The following LARGE1 variants were observed in gnomAD, a reference collection of about 807,000 sequenced individuals.
LARGE1 encodes the protein xylosyl- and glucuronyltransferase LARGE1.
Under a neutral mutation model 87.6 loss-of-function variants are expected in LARGE1, and 43 were observed. The ratio of observed to expected loss-of-function variants is 0.49; its 90% CI spans 0.38 to 0.63. The LOEUF (loss-of-function observed/expected upper bound fraction) is 0.63, where lower values mean the gene tolerates loss of function less well. Among genes scored for constraint, LARGE1 ranks in the 30% least tolerant of loss-of-function variants. The probability of loss-of-function intolerance (pLI) is 0.00; values close to 1 mark genes in which losing one functional copy is unlikely to be tolerated. For missense variants in LARGE1, 802 were observed against 1,000.2 expected (o/e 0.80, Z 2.67); for synonymous variants, 434 against 394.6 (o/e 1.10, Z -1.18).
At chr22:33,316,605 G>A (rs1936189313) in intron 10 of LARGE1, among the ~76,000 whole-genome samples, 1 of 152,070 alleles carries the variant, frequency 6.6e-6, no homozygotes, top group South Asian at 2.1e-4. Context: ...GCCGGACATG[G>A]AGGTGTGTGG....
chr22:33,211,697 CCA>C (rs1009621198), intron 11 of LARGE1, among the ~76,000 whole-genome samples: 15 of 152,232 alleles, frequency 9.9e-5, no homozygotes, highest in Non-Finnish European at 1.9e-4. Context: ...TGCTTGAACC[CCA>C]GAGACGGCGG....
intron 6 of LARGE1, among the ~76,000 whole-genome samples, chr22:33,520,400 A>T (rs1360588861): frequency 6.6e-6 from 1 of 152,124 alleles, no homozygotes; most frequent in Non-Finnish European, 1.5e-5. Context: ...ACCATCCTGT[A>T]CCTGAGATTC....
At chr22:33,431,276 A>G (rs2067070632) in intron 7 of LARGE1, among the ~76,000 whole-genome samples, 1 of 152,212 alleles carries the variant, frequency 6.6e-6, no homozygotes, top group African/African-American at 2.4e-5. Context: ...TGCAGCTAGC[A>G]TAGGGCCTCG....
intron 6 of LARGE1, among the ~76,000 whole-genome samples, chr22:33,522,350 C>G (rs1476924857): frequency 6.6e-6 from 1 of 152,184 alleles, no homozygotes; most frequent in Non-Finnish European, 1.5e-5. Flanking sequence ...TGCACTCCCA[C>G]CAGCATCACC....
At chr22:33,092,177 C>T in the LARGE1 span, among the ~76,000 whole-genome samples, 1 of 152,152 alleles carries the variant, frequency 6.6e-6, no homozygotes, top group South Asian at 2.1e-4. Flanking sequence ...GGATTACAGG[C>T]GTGAGCCACC....
chr22:33,490,326 G>A (rs1194283498), intron 6 of LARGE1, among the ~76,000 whole-genome samples: 2 of 152,114 alleles, frequency 1.3e-5, no homozygotes, highest in African/African-American at 4.8e-5. Context: ...GAATAAAGAG[G>A]AATCCCTGTC....
At chr22:33,561,587 T>C (rs2148763590) in intron 6 of LARGE1, among the ~76,000 whole-genome samples, 1 of 152,316 alleles carries the variant, frequency 6.6e-6, no homozygotes, top group Non-Finnish European at 1.5e-5. Flanking sequence ...AACAGTCTTA[T>C]TCTTGCAACA....
intron 3 of LARGE1, among the ~76,000 whole-genome samples, chr22:33,635,975 C>A (rs2080255063): frequency 6.6e-6 from 1 of 152,130 alleles, no homozygotes; most frequent in African/African-American, 2.4e-5. Flanking sequence ...ACATGGGTTC[C>A]AGGGCCTGCT....
intron 13 of LARGE1, among the ~76,000 whole-genome samples, chr22:33,281,405 T>A (rs1316226578): frequency 1.3e-5 from 2 of 151,730 alleles, no homozygotes; most frequent in Non-Finnish European, 2.9e-5. Context: ...AAAAAAAAAA[T>A]TCAGGACTCA....
chr22:33,781,626 G>A (rs1412471349), intron 1 of LARGE1, among the ~76,000 whole-genome samples: 1 of 152,172 alleles, frequency 6.6e-6, no homozygotes, highest in East Asian at 1.9e-4. Context: ...ACAATTCACT[G>A]AACAAGTTCC....
chr22:33,554,184 C>T (rs1399998477), intron 6 of LARGE1, among the ~76,000 whole-genome samples: 1 of 152,114 alleles, frequency 6.6e-6, no homozygotes, highest in African/African-American at 2.4e-5. Context: ...TCGCAAATCA[C>T]AGCTTGCCAA....
At chr22:33,175,894 C>T (rs1014276032) in intron 11 of LARGE1, among the ~76,000 whole-genome samples, 1 of 152,188 alleles carries the variant, frequency 6.6e-6, no homozygotes, top group African/African-American at 2.4e-5. Context: ...CACTACCTGA[C>T]TTCAAACTAT....
chr22:33,387,368 G>A (rs1172709885), intron 7 of LARGE1, among the ~76,000 whole-genome samples: 7 of 149,294 alleles, frequency 4.7e-5, no homozygotes, highest in African/African-American at 1.0e-4. Flanking sequence ...CGGAGGATGC[G>A]GTGAGCTGAG....
At chr22:33,373,972 CAA>C (rs35830988) in intron 9 of LARGE1, among the ~76,000 whole-genome samples, 38 of 59,528 alleles carry the variant, frequency 6.4e-4, no homozygotes, top group Non-Finnish European at 8.4e-4. Context: ...GACTCCGTCT[CAA>C]AAAAAAAAAA....
intron 7 of LARGE1, among the ~76,000 whole-genome samples, chr22:33,414,160 A>G (rs2066407033): frequency 6.6e-6 from 1 of 152,082 alleles, no homozygotes; most frequent in Non-Finnish European, 1.5e-5. Context: ...TACATTCCCA[A>G]AAACAGTGTT....
chr22:33,227,192 C>G (rs886342398), intron 11 of LARGE1, among the ~76,000 whole-genome samples: 55 of 152,226 alleles, frequency 3.6e-4, no homozygotes, highest in African/African-American at 1.3e-3. Flanking sequence ...GACAAAGACA[C>G]TGAGGTACAG....
At chr22:33,411,498 G>A (rs543927110) in intron 7 of LARGE1, among the ~76,000 whole-genome samples, 25 of 152,212 alleles carry the variant, frequency 1.6e-4, no homozygotes, top group African/African-American at 5.5e-4. Context: ...ACATAAACAT[G>A]CACACATCTG....
At chr22:33,146,989 A>G in the LARGE1 span, among the ~76,000 whole-genome samples, 1 of 152,182 alleles carries the variant, frequency 6.6e-6, no homozygotes, top group Non-Finnish European at 1.5e-5. Flanking sequence ...CAATAATATC[A>G]TGAAATATAA....
chr22:33,680,035 G>A (rs1268191075), intron 2 of LARGE1, among the ~76,000 whole-genome samples: 1 of 152,152 alleles, frequency 6.6e-6, no homozygotes, highest in Non-Finnish European at 1.5e-5. Flanking sequence ...TACGGCAGCT[G>A]TGGGGACTTC....
Sources: gnomAD v4.1 joint callset for allele counts (sites outside exome capture counted in the v4.1 genomes callset) on GRCh38, gnomAD v4.1.1 for gene constraint, MANE v1.5 for transcripts, NCBI Gene and HGNC (gene_info 2026-07-23, HGNC 2026-07-21) for gene names.